The following TMIGD3 variants were observed in gnomAD, a reference collection of about 807,000 sequenced individuals.
The protein encoded by TMIGD3 is AD026 protein (AD026).
A neutral mutation model predicts 28.1 loss-of-function variants in TMIGD3; 21 were observed. The observed-to-expected ratio is 0.75, with a 90% CI of 0.53 to 1.08. The LOEUF (loss-of-function observed/expected upper bound fraction) is 1.08, where lower values mean the gene tolerates loss of function less well. Among genes scored for constraint, TMIGD3 ranks in the 50% least tolerant of loss-of-function variants. The pLI, the probability that TMIGD3 is intolerant of heterozygous loss-of-function variation, is 0.00. For synonymous variants in TMIGD3, 151 were observed against 162.1 expected (o/e 0.93, Z 0.52); for missense variants, 416 against 435.6 (o/e 0.96, Z 0.40).
At chr1:111,491,714 G>T (rs987000835) in intron 1 of TMIGD3, among the ~76,000 whole-genome samples, 1 of 152,076 alleles carries the variant, frequency 6.6e-6, no homozygotes, top group African/African-American at 2.4e-5. Context: ...GAATAAAAAA[G>T]GAAGCAAGGA....
upstream of TMIGD3, among the ~76,000 whole-genome samples, chr1:111,507,051 A>ATGTGTGTG (rs1655532790): frequency 1.5e-5 from 2 of 132,098 alleles, no homozygotes; most frequent in African/African-American, 6.3e-5. Flanking sequence ...ATATATATAT[A>ATGTGTGTG]TATATATATG....
In TMIGD3 at chr1:111,524,219, T is replaced by C. The variant is rs568245072; in HGVS notation, c.108-33457A>G. On this transcript the variant is annotated intron_variant, in intron 1 of 5. Transcript: ENST00000369717. ...TAATTTTTTGTATTTTTAGTAGAGA[T>C]GGGGTTTCACCATGTTAGCCAGGAT... Among the ~76,000 whole-genome samples, 261 of 151,860 alleles carry C rather than the reference T, an allele frequency of 1.7e-3. 1 individual carries two copies. The highest frequency in any genetic ancestry group is 2.7e-3 in the Non-Finnish European group (186 of 67,912).
chr1:111,542,207 A>G (rs909061063), intron 1 of TMIGD3: 14 of 563,810 alleles, frequency 2.5e-5, no homozygotes, highest in Non-Finnish European at 4.5e-5. Context: ...GACCAGCTTA[A>G]TGAAACAGAC....
chr1:111,485,818 T>A lies in TMIGD3; in HGVS notation c.895A>T (p.Ile299Leu), dbSNP rs150860893. The A allele has an allele frequency of 1.9e-6, 3 of 1,609,630 alleles. No homozygotes were observed. Among genetic ancestry groups the A allele is most frequent in the Admixed American group, 1.7e-5 (1 of 59,502 alleles). The stretch of plus-strand genomic sequence containing the variant: ...ATGATTCCCAAACCCGTGATCAGTA[T>A]GCAAATGATGAGAATGGACGTCCTA... Reference protein sequence around the residue: ...RSRTSILIICILITGLGIISV... With the variant: ...RSRTSILIICLLITGLGIISV... The change falls in exon 5 of 6, where the codon ATA becomes TTA. Residue 299 changes from isoleucine (I) to leucine (L), a missense_variant. Physicochemically the swap from Ile to Leu is conservative, Grantham distance 5. Coordinates refer to ENST00000369716, the MANE Select transcript of TMIGD3 (RefSeq NM_020683.7).
chr1:111,563,736 T>A (rs1657838337), intron 1 of TMIGD3: 2 of 757,586 alleles, frequency 2.6e-6, no homozygotes, highest in East Asian at 5.0e-5. Context: ...GACAAAGCAT[T>A]GATTAAGTAG....
intron 1 of TMIGD3, among the ~76,000 whole-genome samples, chr1:111,559,168 G>T (rs1404240360): frequency 6.6e-6 from 1 of 151,078 alleles, no homozygotes; most frequent in Admixed American, 6.6e-5. Context: ...AAACTTGTGG[G>T]ATACAACTAA....
intron 3 of TMIGD3, among the ~76,000 whole-genome samples, chr1:111,488,094 C>A (rs926964195): frequency 6.6e-6 from 1 of 152,122 alleles, no homozygotes; most frequent in South Asian, 2.1e-4. Context: ...AGTGAGCCAC[C>A]GCACCTGGCT....
chr1:111,518,919 T>TTTTG lies in TMIGD3; in HGVS notation c.108-28161_108-28158dup, dbSNP rs199508412. Among the ~76,000 whole-genome samples the TTTTG allele has an allele frequency of 6.4e-4, 97 of 152,166 alleles. 1 individual carries two copies. The East Asian group carries it at 8.5e-3, about 13-fold the overall frequency. Reference sequence around the variant, plus strand: ...TTCCCCAACTAGGAATATTTTCATTTTTTGTTTGTTTGTTTGTTTGTTTGT... The same window carrying TTTTG: ...TTCCCCAACTAGGAATATTTTCATTTTTTGTTTGTTTGTTTGTTTGTTTGTTTGT... On this transcript the variant is annotated intron_variant, in intron 1 of 5. Transcript: ENST00000369717.
intron 1 of TMIGD3, among the ~76,000 whole-genome samples, chr1:111,518,093 G>A (rs1453619290): frequency 6.6e-6 from 1 of 152,178 alleles, no homozygotes; most frequent in South Asian, 2.1e-4. Context: ...GACCCAAGCA[G>A]GCTGGCTCCA....
chr1:111,486,130 A>G (rs1571396192), intron 4 of TMIGD3, among the ~76,000 whole-genome samples: 2 of 152,146 alleles, frequency 1.3e-5, no homozygotes. Flanking sequence ...AATGGGGGAG[A>G]AATAAACTTA....
rs141740053 is a variant in TMIGD3 at position 111,525,571 on chromosome 1, C to T, written c.108-34809G>A. Among the ~76,000 whole-genome samples the T allele has an allele frequency of 5.3e-4, 80 of 152,148 alleles. 1 individual carries two copies. The highest frequency in any genetic ancestry group is 1.7e-3 in the African/African-American group (71 of 41,516). On this transcript the variant is annotated intron_variant, in intron 1 of 5. Transcript: ENST00000369717. ...CCCATTTGTGTCTTTATATTTAAAACTAATTTCTTTGGCTAGGCACAGTGG... is the reference window on the plus strand; with the variant it reads ...CCCATTTGTGTCTTTATATTTAAAATTAATTTCTTTGGCTAGGCACAGTGG...
At chr1:111,543,873 C>G (rs1441291491) in intron 1 of TMIGD3, among the ~76,000 whole-genome samples, 1 of 152,102 alleles carries the variant, frequency 6.6e-6, no homozygotes, top group Admixed American at 6.5e-5. Flanking sequence ...AAGGATTGGG[C>G]CTTCTCAGAG....
At chr1:111,539,268 T>C (rs550503407) in intron 1 of TMIGD3, among the ~76,000 whole-genome samples, 5 of 152,262 alleles carry the variant, frequency 3.3e-5, no homozygotes, top group African/African-American at 1.2e-4. Flanking sequence ...CCCTCTCTAG[T>C]AGTCCCAGTG....
rs753948575 is a variant in TMIGD3, at chr1:111,503,342, T to A, written c.13A>T (p.Ser5Cys). MPNN[S>C]TALSLANVTY... ...ACATTGGCCAATGACAGAGCAGTGC[T>A]GTTGTTGGGCATCTTGCCTTCCCAG... Residue 5 changes from serine to cysteine, a missense_variant, in exon 1 of 6, where the codon AGC (serine) becomes TGC (cysteine). Physicochemically the swap from Ser to Cys is moderately radical, Grantham distance 112 (BLOSUM62 -1). Transcript: ENST00000369716. 4.7e-5 allele frequency: 75 copies of A among 1,609,894 alleles called. No individual in the cohort carries two copies. Among genetic ancestry groups the A allele is most frequent in the Non-Finnish European group, 6.2e-5 (73 of 1,176,948 alleles).
Position 111,503,180 on chromosome 1 carries a change from T to C in TMIGD3, c.175A>G (p.Ile59Val), listed in dbSNP as rs1483083476. ...YFIVSLALAD[I>V]AVGVLVMPLA... The stretch of plus-strand genomic sequence containing the variant: ...GGCATGACCAGCACCCCAACAGCAA[T>C]GTCAGCCAGGGCTAGAGAGACAATG... Residue 59 changes from isoleucine to valine, a missense_variant, in exon 1 of 6, where the codon ATT becomes GTT. Coordinates refer to ENST00000369716, the MANE Select transcript of TMIGD3 (RefSeq NM_020683.7). The C allele has an allele frequency of 6.2e-6, 10 of 1,614,244 alleles. No homozygotes were observed. Among genetic ancestry groups the C allele is most frequent in the Non-Finnish European group, 6.8e-6 (8 of 1,180,036 alleles).
At chr1:111,505,174 C>T (rs2100987997), upstream of TMIGD3, 3 of 368,570 alleles carry the variant, frequency 8.1e-6, no homozygotes, top group Non-Finnish European at 1.1e-5. Flanking sequence ...ATATAGCACT[C>T]TTTGAACCTT....
rs773080987 is a variant in TMIGD3, at chr1:111,503,276, T to G, written c.79A>C (p.Ile27Leu). 6.2e-7 allele frequency: 1 copy of G among 1,614,232 alleles called. No individual in the cohort carries two copies. The highest frequency in any genetic ancestry group is 1.1e-5 in the South Asian group (1 of 91,078). The change falls in exon 1 of 6, where the codon ATA becomes CTA. Residue 27 changes from isoleucine (I) to leucine (L), a missense_variant. Physicochemically the swap from Ile to Leu is conservative, Grantham distance 5. Transcript: ENST00000369716. Reference protein sequence around the residue: ...TMEIFIGLCAIVGNVLVICVV... With the variant: ...TMEIFIGLCALVGNVLVICVV... ...CAGATGACCAGCACGTTGCCCACTA[T>G]GGCGCAGAGTCCAATGAAAATTTCC...
chr1:111,496,662 CT>C (rs1247400703), intron 1 of TMIGD3, among the ~76,000 whole-genome samples: 1 of 152,218 alleles, frequency 6.6e-6, no homozygotes, highest in Non-Finnish European at 1.5e-5. Context: ...CACTTGTAGT[CT>C]GGTGCTGCCC....
At chr1:111,488,609 T>C in intron 3 of TMIGD3, 68 bp downstream of exon 3, 5 of 1,421,570 alleles carry the variant, frequency 3.5e-6, no homozygotes, top group Non-Finnish European at 4.8e-6. Context: ...CTTCAGAGAG[T>C]GCTCTCTTAG....
Sources: gnomAD v4.1 joint callset for allele counts (sites outside exome capture counted in the v4.1 genomes callset) on GRCh38, gnomAD v4.1.1 for gene constraint, MANE v1.5 for transcripts, NCBI Gene and HGNC (gene_info 2026-07-23, HGNC 2026-07-21) for gene names.